Variants in NALF1 observed in about 807,000 individuals in gnomAD.
NALF1 encodes the protein family with sequence similarity 155 member A.
A neutral mutation model predicts 48.4 loss-of-function variants in NALF1; 3 were observed. The observed-to-expected ratio is 0.06, with a 90% CI of 0.03 to 0.16. NALF1 has a LOEUF of 0.16. Among genes scored for constraint, NALF1 ranks in the 10% least tolerant of loss-of-function variants. NALF1 has a pLI of 1.00. For synonymous variants in NALF1, 262 were observed against 245.7 expected, an observed-to-expected ratio of 1.07 and a Z score of -0.62; for missense variants, 526 against 571.5, an observed-to-expected ratio of 0.92 and a Z score of 0.81.
At chr13:107,339,149 A>T (rs1312045754) in intron 1 of NALF1, among the ~76,000 whole-genome samples, 1 of 151,906 alleles carries the variant, frequency 6.6e-6, no homozygotes, top group Non-Finnish European at 1.5e-5. Context: ...AAAAAAAAAA[A>T]AAAAAAAAGT....
chr13:107,710,625 A>T (rs1875544642), intron 1 of NALF1, among the ~76,000 whole-genome samples: 2 of 152,040 alleles, frequency 1.3e-5, no homozygotes, highest in Admixed American at 1.3e-4. Context: ...AAACCCTCAG[A>T]TCTCGTGAGA....
intron 1 of NALF1, among the ~76,000 whole-genome samples, chr13:107,340,475 T>TTCTTTCTTCTC (rs1379012266): frequency 0.12 from 6,288 of 52,140 alleles, 220 homozygotes; most frequent in East Asian, 0.18. Flanking sequence ...TCTTCTCTCT[T>TTCTTTCTTCTC]TCTTTCTTTC....
chr13:107,678,772 T>G (rs1881199869), intron 1 of NALF1, among the ~76,000 whole-genome samples: 1 of 152,124 alleles, frequency 6.6e-6, no homozygotes, highest in African/African-American at 2.4e-5. Flanking sequence ...GAGCCCCTTA[T>G]AAAACCATCA....
At chr13:107,184,079 G>C (rs1316430195) in intron 2 of NALF1, among the ~76,000 whole-genome samples, 1 of 151,070 alleles carries the variant, frequency 6.6e-6, no homozygotes, top group Admixed American at 6.6e-5. Flanking sequence ...TCAGGTTCAA[G>C]GTTCAGGTGG....
chr13:107,270,543 A>G (rs1881139870), intron 1 of NALF1, among the ~76,000 whole-genome samples: 1 of 152,090 alleles, frequency 6.6e-6, no homozygotes. Flanking sequence ...AGAAATTCAT[A>G]TTAAAGTATA....
chr13:107,325,379 T>A (rs1416547280), intron 1 of NALF1, among the ~76,000 whole-genome samples: 1 of 152,090 alleles, frequency 6.6e-6, no homozygotes, highest in Non-Finnish European at 1.5e-5. Context: ...CTCAAGACAA[T>A]CTTATGAGAC....
intron 1 of NALF1, among the ~76,000 whole-genome samples, chr13:107,404,163 C>T (rs930138447): frequency 2.0e-5 from 3 of 152,084 alleles, no homozygotes; most frequent in African/African-American, 4.8e-5. Context: ...TCAAAATAGT[C>T]GCTTTACCCA....
chr13:107,165,794 C>A lies in NALF1; in HGVS notation c.*4703G>T, dbSNP rs536515174. The A allele has an allele frequency of 6.6e-6, 1 of 152,178 alleles. No individual in the cohort carries two copies. Among genetic ancestry groups the A allele is most frequent in the Admixed American group, 6.5e-5 (1 of 15,278 alleles). 9.4% of individuals were successfully genotyped at this position (152,178 alleles called of 1,614,324 possible). A position where few individuals can be genotyped will look rare whatever the true frequency, so the allele number is the denominator to read the frequency against. On this transcript the variant is annotated 3_prime_UTR_variant, in exon 3 of 3. Coordinates refer to ENST00000375915, the MANE Select transcript of NALF1 (RefSeq NM_001080396.3). ...AGGTTTTTTATAAACATTGTTAAAG[C>A]TTGGAAGATGGAGATTCTGCCTGTT... is the stretch of plus-strand genomic sequence containing the variant.
intron 1 of NALF1, among the ~76,000 whole-genome samples, chr13:107,465,622 A>G (rs1214847982): frequency 6.6e-6 from 1 of 151,898 alleles, no homozygotes; most frequent in East Asian, 1.9e-4. Context: ...ATGGAATCCT[A>G]CTCCACACTG....
chr13:107,758,176 C>T (rs1315050305), intron 1 of NALF1, among the ~76,000 whole-genome samples: 2 of 152,106 alleles, frequency 1.3e-5, no homozygotes, highest in Non-Finnish European at 2.9e-5. Context: ...ATCAAAAGAA[C>T]TGTGATTGCA....
At chr13:107,653,805 G>T (rs999195948) in intron 1 of NALF1, among the ~76,000 whole-genome samples, 4 of 151,836 alleles carry the variant, frequency 2.6e-5, no homozygotes, top group Non-Finnish European at 4.4e-5. Context: ...ATAACAGAAA[G>T]AAATGGTAAA....
intron 1 of NALF1, among the ~76,000 whole-genome samples, chr13:107,664,575 T>A (rs1174797261): frequency 6.6e-6 from 1 of 152,198 alleles, no homozygotes; most frequent in East Asian, 1.9e-4. Flanking sequence ...AACTTCAGTC[T>A]ATGAACCTCT....
chr13:107,217,835 G>A (rs1040258181), intron 1 of NALF1, among the ~76,000 whole-genome samples: 1 of 152,108 alleles, frequency 6.6e-6, no homozygotes, highest in African/African-American at 2.4e-5. Context: ...ATACCCCGTG[G>A]AGCCTACCCT....
chr13:107,249,362 A>G (rs1358595110), intron 1 of NALF1, among the ~76,000 whole-genome samples: 1 of 152,170 alleles, frequency 6.6e-6, no homozygotes, highest in Admixed American at 6.5e-5. Flanking sequence ...AGAAGAATAC[A>G]AAAACAACAT....
At chr13:107,354,962 G>C (rs1052483870) in intron 1 of NALF1, among the ~76,000 whole-genome samples, 1 of 152,186 alleles carries the variant, frequency 6.6e-6, no homozygotes, top group African/African-American at 2.4e-5. Flanking sequence ...CCCAACCCTA[G>C]GACGTCACTC....
At chr13:107,569,270 C>A (rs1424325163) in intron 1 of NALF1, among the ~76,000 whole-genome samples, 3 of 151,780 alleles carry the variant, frequency 2.0e-5, no homozygotes, top group Non-Finnish European at 4.4e-5. Context: ...GAGATTGAGA[C>A]CATCCTGGCC....
chr13:107,653,909 C>T (rs1880509462), intron 1 of NALF1, among the ~76,000 whole-genome samples: 1 of 151,978 alleles, frequency 6.6e-6, no homozygotes, highest in Admixed American at 6.6e-5. Flanking sequence ...CTTTCATTTG[C>T]AACTCAGAAA....
chr13:107,292,709 T>C (rs1881646894), intron 1 of NALF1, among the ~76,000 whole-genome samples: 1 of 152,218 alleles, frequency 6.6e-6, no homozygotes, highest in East Asian at 1.9e-4. Flanking sequence ...TGCCTGAGGC[T>C]GTTTACAGTT....
At chr13:107,354,092 C>A (rs1351948059) in intron 1 of NALF1, among the ~76,000 whole-genome samples, 1 of 152,158 alleles carries the variant, frequency 6.6e-6, no homozygotes, top group Non-Finnish European at 1.5e-5. Flanking sequence ...CCTAATTCTT[C>A]AACTACAACT....
Sources: allele counts gnomAD v4.1 joint callset (sites outside exome capture counted in the v4.1 genomes callset), GRCh38; gene constraint gnomAD v4.1.1; transcripts MANE v1.5; gene names NCBI Gene and HGNC (gene_info 2026-07-23, HGNC 2026-07-21).